The following SNAI3 variants were observed in gnomAD, a reference collection of about 807,000 sequenced individuals.
SNAI3 encodes the protein snail family transcriptional repressor 3.
In SNAI3, 21 loss-of-function variants were observed where a neutral mutation model predicts 16.4. That is an observed-to-expected ratio of 1.28 (90% CI 0.91 to 1.85). The LOEUF is 1.85. SNAI3 is among the 40% of genes most tolerant of loss of function. The pLI is 0.00. For missense variants in SNAI3, 457 were observed against 372.8 expected, an observed-to-expected ratio of 1.23 and a Z score of -1.86; for synonymous variants, 202 against 166.6, an observed-to-expected ratio of 1.21 and a Z score of -1.64.
intron 2 of SNAI3, 102 bp from the exon 3 acceptor site, chr16:88,678,731 A>ATT (rs1273020457): frequency 6.8e-7 from 1 of 1,464,068 alleles, no homozygotes; most frequent in East Asian, 2.5e-5. Context: ...TTCCCCACAA[A>ATT]TGCTCACAGC....
intron 2 of SNAI3, chr16:88,679,120 C>T (rs1286293927): frequency 3.0e-6 from 3 of 984,474 alleles, no homozygotes; most frequent in East Asian, 1.1e-4. Context: ...TTGTTCATTC[C>T]TGTAGCCCCA....
rs750106792 is a variant in SNAI3 at position 88,681,364 on chromosome 16, C to G, written c.427G>C (p.Glu143Gln). The change falls in exon 2 of 3, where the codon GAG (glutamate) becomes CAG (glutamine). Residue 143 changes from glutamate (E) to glutamine (Q), a missense_variant. Coordinates refer to ENST00000332281, the MANE Select transcript of SNAI3 (RefSeq NM_178310.4). The surrounding 1 kb of genome is among the most constrained non-coding windows in gnomAD (Gnocchi z 5.4). ...HGAPEKLLGA[E>Q]RMPRAPGGFE... ...CCGCCCGGGGCTCGGGGCATCCGCTCAGCCCCAAGCAGTTTTTCCGGAGCC... is the reference window on the plus strand; with the variant it reads ...CCGCCCGGGGCTCGGGGCATCCGCTGAGCCCCAAGCAGTTTTTCCGGAGCC... 7 of 1,612,558 alleles carry G rather than the reference C, an allele frequency of 4.3e-6. No homozygotes were observed. Among genetic ancestry groups the G allele is most frequent in the Non-Finnish European group, 5.1e-6 (6 of 1,179,400 alleles).
chr16:88,683,004 C>T (rs1029955525), intron 1 of SNAI3, among the ~76,000 whole-genome samples: 3 of 151,434 alleles, frequency 2.0e-5, no homozygotes, highest in African/African-American at 7.3e-5. Context: ...GTCTCGATCT[C>T]CTGACCTCGT....
intron 1 of SNAI3, among the ~76,000 whole-genome samples, chr16:88,684,112 G>T (rs1909275388): frequency 6.6e-6 from 1 of 152,214 alleles, no homozygotes; most frequent in South Asian, 2.1e-4. Context: ...CCTAATTACA[G>T]AGTCATCAGG....
chr16:88,681,628 G>C lies in SNAI3; in HGVS notation c.163C>G (p.Leu55Val), dbSNP rs112033718. ...DKEAPSVPGD[L>V]PQPWDRSSAV... ...GAGGAGCGGTCCCAGGGCTGGGGAA[G>C]GTCACCGGGCACAGAAGGGGCCTCC... is the stretch of plus-strand genomic sequence containing the variant. Residue 55 changes from leucine (L) to valine (V), a missense_variant, in exon 2 of 3, where the codon CTT becomes GTT. Leu to Val is a conservative substitution (Grantham distance 32). Transcript: ENST00000332281. The surrounding 1 kb of genome is among the most constrained non-coding windows in gnomAD (Gnocchi z 5.4). 4,548 of 1,479,968 alleles carry C rather than the reference G, an allele frequency of 3.1e-3. 125 individuals carry two copies. In the African/African-American group the frequency reaches 0.057, roughly 19 times the overall value. The allele number at this position is 1,479,968 out of a possible 1,614,324, so 91.7% of individuals were successfully genotyped here.
In SNAI3 at chr16:88,682,762, A is replaced by ATTTTTTTTTTTTTTTTTTTTTTTTTTT. The variant is rs71158747; in HGVS notation, c.77-1075_77-1049dup. Among the ~76,000 whole-genome samples, 12 of 60,694 alleles carry ATTTTTTTTTTTTTTTTTTTTTTTTTTT rather than the reference A, an allele frequency of 2.0e-4. 3 individuals carry two copies. The highest frequency in any genetic ancestry group is 3.3e-4 in the Non-Finnish European group (11 of 33,210). The allele number at this position is 60,694 out of a possible 152,430, so 39.8% of individuals were successfully genotyped here. A position where few individuals can be genotyped will look rare whatever the true frequency, so the allele number is the denominator to read the frequency against. ...AATACAATTTTAATATGGGCAAGGGATTTTTTTTTTTTTTTTTTTTTTTTT... is the reference window on the plus strand; with the variant it reads ...AATACAATTTTAATATGGGCAAGGGATTTTTTTTTTTTTTTTTTTTTTTTTTTTTTTTTTTTTTTTTTTTTTTTTTTT... On this transcript the variant is annotated intron_variant, in intron 1 of 2. Coordinates refer to ENST00000332281, the MANE Select transcript of SNAI3 (RefSeq NM_178310.4).
In SNAI3 at chr16:88,681,315, T is replaced by G. The variant is rs1360290657; in HGVS notation, c.476A>C (p.Lys159Thr). 1 of 1,613,176 alleles carries G rather than the reference T, an allele frequency of 6.2e-7. No homozygotes were observed. Among genetic ancestry groups the G allele is most frequent in the Non-Finnish European group, 8.5e-7 (1 of 1,179,868 alleles). The stretch of plus-strand genomic sequence containing the variant: ...CAGCCCGGCCAGCGTGTGGTAGGGT[T>G]TGTGGCAGTGGAAGCACTCAAAGCC... The part of the protein sequence containing the change: ...PGGFECFHCH[K>T]PYHTLAGLAR... The change falls in exon 2 of 3, where the codon AAA becomes ACA. Residue 159 changes from lysine to threonine, a missense_variant. By Grantham distance (78) the Lys-to-Thr change is moderately conservative (BLOSUM62 -1). Coordinates refer to ENST00000332281, the MANE Select transcript of SNAI3 (RefSeq NM_178310.4). The surrounding 1 kb of genome is among the most constrained non-coding windows in gnomAD (Gnocchi z 5.4).
In SNAI3 at chr16:88,686,356, G is replaced by C; in HGVS notation, c.51C>G (p.Asn17Lys). The change falls in exon 1 of 3, where the codon AAC becomes AAG. Residue 17 changes from asparagine (N) to lysine (K), a missense_variant. Physicochemically the swap from Asn to Lys is moderately conservative, Grantham distance 94 (BLOSUM62 0). Transcript: ENST00000332281. ...VKTHSSHRVP[N>K]YRRLETQREI... is the part of the protein sequence containing the mutation. ...CTCTCTGCGTCTCCAGCCGCCGGTAGTTGGGGACCCTGTGGCTGGAGTGCG... is the reference window on the plus strand; with the variant it reads ...CTCTCTGCGTCTCCAGCCGCCGGTACTTGGGGACCCTGTGGCTGGAGTGCG... 1 of 1,612,538 alleles carries C rather than the reference G, an allele frequency of 6.2e-7. No homozygotes were observed. The highest frequency in any genetic ancestry group is 8.5e-7 in the Non-Finnish European group (1 of 1,179,700).
Position 88,678,125 on chromosome 16 carries a change from C to T in SNAI3, c.*323G>A, listed in dbSNP as rs1177407606. On this transcript the variant is annotated 3_prime_UTR_variant, in exon 3 of 3. Transcript: ENST00000332281. ...CCGGCCCATGCTGGCGGCCACCTCC[C>T]CGAGGCTCTGACTCTTGGAAGGGTA... The T allele has an allele frequency of 3.5e-6, 1 of 283,954 alleles. No homozygotes were observed. Among genetic ancestry groups the T allele is most frequent in the East Asian group, 7.0e-5 (1 of 14,190 alleles). 17.6% of individuals were successfully genotyped at this position (283,954 alleles called of 1,614,324 possible).
chr16:88,678,191 T>G lies in SNAI3; in HGVS notation c.*257A>C. 1 of 430,638 alleles carries G rather than the reference T, an allele frequency of 2.3e-6. No individual in the cohort carries two copies. The highest frequency in any genetic ancestry group is 4.2e-6 in the Non-Finnish European group (1 of 240,134). The allele number at this position is 430,638 out of a possible 1,614,324, so 26.7% of individuals were successfully genotyped here. A position where few individuals can be genotyped will look rare whatever the true frequency, so the allele number is the denominator to read the frequency against. ...CCGTGTCGAAATGGAACCATGGCTCTTGTTCTGATGAAAGCCTTCCCCGGG... is the reference window on the plus strand; with the variant it reads ...CCGTGTCGAAATGGAACCATGGCTCGTGTTCTGATGAAAGCCTTCCCCGGG... On this transcript the variant is annotated 3_prime_UTR_variant, in exon 3 of 3. Coordinates refer to ENST00000332281, the MANE Select transcript of SNAI3 (RefSeq NM_178310.4).
At chr16:88,680,284 T>TA (rs1477256395) in intron 2 of SNAI3, among the ~76,000 whole-genome samples, 2 of 122,294 alleles carry the variant, frequency 1.6e-5, no homozygotes, top group African/African-American at 3.1e-5. Flanking sequence ...GATTTTTTTT[T>TA]TTTTTTTTTT....
At chr16:88,679,084 T>G in intron 2 of SNAI3, 5 of 985,310 alleles carry the variant, frequency 5.1e-6, no homozygotes, top group Non-Finnish European at 6.0e-6. Flanking sequence ...CCAACACCTG[T>G]AAAGGGAAGT....
intron 1 of SNAI3, chr16:88,686,064 T>C: frequency 4.2e-6 from 2 of 472,500 alleles, no homozygotes; most frequent in South Asian, 5.3e-5. Flanking sequence ...CCAGGGAGAC[T>C]TGGGGGCTTA....
In SNAI3 at chr16:88,678,566, G is replaced by T; in HGVS notation, c.761C>A (p.Ala254Asp). ...RAFADRSNLR[A>D]HLQTHSDAKK... The stretch of plus-strand genomic sequence containing the variant: ...GGCGTCTGAGTGCGTTTGCAGATGG[G>T]CCCGAAGGTTGGAGCGGTCGGCAAA... Residue 254 changes from alanine to aspartate, a missense_variant, in exon 3 of 3, where the codon GCC becomes GAC. By Grantham distance (126) the Ala-to-Asp change is moderately radical. Coordinates refer to ENST00000332281, the MANE Select transcript of SNAI3 (RefSeq NM_178310.4). The T allele has an allele frequency of 1.2e-6, 1 of 869,374 alleles. No individual in the cohort carries two copies. The highest frequency in any genetic ancestry group is 2.4e-5 in the East Asian group (1 of 41,610). The allele number at this position is 869,374 out of a possible 1,614,324, so 53.9% of individuals were successfully genotyped here.
At chr16:88,685,410 T>G (rs2142950303) in intron 1 of SNAI3, 1 of 152,342 alleles carries the variant, frequency 6.6e-6, no homozygotes, top group South Asian at 2.1e-4. Flanking sequence ...TTGGCGGTGT[T>G]GCTGGGGGCC....
At position 88,681,210 on chromosome 16, in the gene SNAI3, C is replaced by G; in HGVS notation, c.581G>C (p.Ser194Thr). 1 of 1,613,862 alleles carries G rather than the reference C, an allele frequency of 6.2e-7. No homozygotes were observed. Among genetic ancestry groups the G allele is most frequent in the African/African-American group, 1.3e-5 (1 of 75,022 alleles). Residue 194 changes from serine (S) to threonine (T), a missense_variant, in exon 2 of 3, where the codon AGC (serine) becomes ACC (threonine). By Grantham distance (58) the Ser-to-Thr change is moderately conservative. Coordinates refer to ENST00000332281, the MANE Select transcript of SNAI3 (RefSeq NM_178310.4). This position sits in a 1 kb window ranked among gnomAD's most constrained non-coding sequence, Gnocchi z 5.4. ...GATGTGCATCTTGAGGGCACCCAGG[C>G]TGGTGTACTCCTTGTCGCAGTACTT... ...TCKYCDKEYTSLGALKMHIRT... is the reference protein window; with the variant it reads ...TCKYCDKEYTTLGALKMHIRT...
rs1597391651 is a variant in SNAI3 at position 88,678,283 on chromosome 16, G to C, written c.*165C>G. The C allele has an allele frequency of 3.5e-6, 2 of 575,694 alleles. No homozygotes were observed. Among genetic ancestry groups the C allele is most frequent in the South Asian group, 2.1e-5 (1 of 47,638 alleles). The allele number at this position is 575,694 out of a possible 1,614,324, so 35.7% of individuals were successfully genotyped here. A position where few individuals can be genotyped will look rare whatever the true frequency, so the allele number is the denominator to read the frequency against. On this transcript the variant is annotated 3_prime_UTR_variant, in exon 3 of 3. Coordinates refer to ENST00000332281, the MANE Select transcript of SNAI3 (RefSeq NM_178310.4). The stretch of plus-strand genomic sequence containing the variant: ...TGGGGGAGTGTCCTCCGGCCCAGTG[G>C]CCCCCGCTGGACTTCTTTGGTTCTG...
At chr16:88,680,275 A>ATTT (rs560411217) in intron 2 of SNAI3, among the ~76,000 whole-genome samples, 1,514 of 55,124 alleles carry the variant, frequency 0.027, 392 homozygotes, top group East Asian at 0.05. Context: ...TATGTTTTTG[A>ATTT]TTTTTTTTTT....
chr16:88,681,299 C>A lies in SNAI3; in HGVS notation c.492G>T (p.Leu164=), dbSNP rs757042660. ...CFHCHKPYHT[L]AGLARHRQLH... ...GCTGCCGGTGCCTGGCCAGCCCGGC[C>A]AGCGTGTGGTAGGGTTTGTGGCAGT... is the stretch of plus-strand genomic sequence containing the variant. The change falls in exon 2 of 3, where the codon CTG becomes CTT. Residue 164 remains leucine, a synonymous_variant. Transcript: ENST00000332281. The surrounding 1 kb of genome is among the most constrained non-coding windows in gnomAD (Gnocchi z 5.4). 6.2e-7 allele frequency: 1 copy of A among 1,613,336 alleles called. No individual in the cohort carries two copies. The highest frequency in any genetic ancestry group is 8.5e-7 in the Non-Finnish European group (1 of 1,179,924).
Sources: allele counts gnomAD v4.1 joint callset (sites outside exome capture counted in the v4.1 genomes callset), GRCh38; gene constraint gnomAD v4.1.1; non-coding constraint Gnocchi (gnomAD v3.1); transcripts MANE v1.5; gene names NCBI Gene and HGNC (gene_info 2026-07-23, HGNC 2026-07-21).